Variants in BLOC1S3 observed in about 807,000 individuals in gnomAD.
The protein encoded by BLOC1S3 is biogenesis of lysosomal organelles complex 1 subunit 3, also known as biogenesis of lysosome-related organelles complex 1 subunit 3.
BLOC1S3 carries 7 observed loss-of-function variants against 9.1 expected under a neutral mutation model. The ratio of observed to expected loss-of-function variants is 0.77; its 90% CI spans 0.44 to 1.45. The LOEUF (loss-of-function observed/expected upper bound fraction) is 1.45. Among genes scored for constraint, BLOC1S3 ranks in the 40% most tolerant of loss-of-function variants. The pLI is 0.01. For synonymous variants in BLOC1S3, 145 were observed against 158.4 expected (o/e 0.92, Z 0.64); for missense variants, 307 against 315.2 (o/e 0.97, Z 0.20).
intron 3 of BLOC1S3, among the ~76,000 whole-genome samples, chr19:45,202,857 G>A (rs1969701442): frequency 6.6e-6 from 1 of 152,046 alleles, no homozygotes; most frequent in Non-Finnish European, 1.5e-5. Context: ...TCTTTAGTCA[G>A]CAAGTAATGA....
At chr19:45,200,128 A>G (rs1969679050) in intron 2 of BLOC1S3, among the ~76,000 whole-genome samples, 1 of 150,262 alleles carries the variant, frequency 6.7e-6, no homozygotes, top group Non-Finnish European at 1.5e-5. Context: ...GATCAATTCT[A>G]CTGTTCAGAG....
rs563576822 is a variant in BLOC1S3, at chr19:45,204,170, C to A, written n.282+1663C>A. 1.9e-3 allele frequency among the ~76,000 whole-genome samples: 285 copies of A among 146,312 alleles called. 1 individual carries two copies. Among genetic ancestry groups the A allele is most frequent in the African/African-American group, 6.8e-3 (265 of 39,108 alleles). ...TACAGGTGCTGGCTACCACACCCGGCTGATTTTTGTTTTGCCTTTTTTTTT... is the reference window on the plus strand; with the variant it reads ...TACAGGTGCTGGCTACCACACCCGGATGATTTTTGTTTTGCCTTTTTTTTT... On this transcript the variant is annotated intron_variant and non_coding_transcript_variant, in intron 3 of 3. Coordinates refer to the BLOC1S3 transcript ENST00000591569.
chr19:45,200,720 C>T (rs1296642870), intron 2 of BLOC1S3, among the ~76,000 whole-genome samples: 2 of 152,132 alleles, frequency 1.3e-5, no homozygotes, highest in African/African-American at 2.4e-5. Context: ...TGTGGATGTT[C>T]GTCAATGGCT....
Position 45,195,656 on chromosome 19 carries a change from A to C in BLOC1S3, n.181-6750A>C, listed in dbSNP as rs1452253155. 3.4e-4 allele frequency among the ~76,000 whole-genome samples: 49 copies of C among 142,716 alleles called. No homozygotes were observed. In the Admixed American group the frequency reaches 3.7e-3, roughly 11 times the overall value. The allele number at this position is 142,716 out of a possible 152,430, so 93.6% of individuals were successfully genotyped here. On this transcript the variant is annotated intron_variant and non_coding_transcript_variant, in intron 2 of 3. Transcript: ENST00000591569. ...GTTGGCCAGGCTGGAGTGCAATGGCATGACCTCAGTGCACTGCAATCTCCG... is the reference window on the plus strand; with the variant it reads ...GTTGGCCAGGCTGGAGTGCAATGGCCTGACCTCAGTGCACTGCAATCTCCG...
At position 45,179,131 on chromosome 19, in the gene BLOC1S3, C is replaced by T. The variant is rs1448024652; in HGVS notation, c.-9-157C>T. On this transcript the variant is annotated intron_variant, in intron 1 of 1. Transcript: ENST00000433642. The surrounding 1 kb of genome is among the most constrained non-coding windows in gnomAD (Gnocchi z 4.6). ...CCTGGGGTCCAGTAACCCCCATCAT[C>T]ACCCAGTTTACAGAAGAGGAAACTG... 5.3e-6 allele frequency: 4 copies of T among 758,404 alleles called. No individual in the cohort carries two copies. The highest frequency in any genetic ancestry group is 7.7e-6 in the Non-Finnish European group (4 of 518,952). 47.0% of individuals were successfully genotyped at this position (758,404 alleles called of 1,614,324 possible).
chr19:45,213,092 C>G, intron 3 of BLOC1S3: 1 of 1,520,738 alleles, frequency 6.6e-7, no homozygotes, highest in African/African-American at 1.4e-5. Context: ...CGAGGTCGCG[C>G]TAGAGACGGA....
upstream of BLOC1S3, among the ~76,000 whole-genome samples, chr19:45,186,810 C>G (rs1190733463): frequency 6.6e-6 from 1 of 152,316 alleles, no homozygotes; most frequent in East Asian, 1.9e-4. Context: ...ATGATCTGGT[C>G]CTGGGTCCAT....
rs529880074 is a variant in BLOC1S3 at position 45,179,885 on chromosome 19, G to C, written c.589G>C (p.Asp197His). Residue 197 changes from aspartate to histidine, a missense_variant, in exon 2 of 2, where the codon GAC (aspartate) becomes CAC (histidine). Coordinates refer to ENST00000433642, the MANE Select transcript of BLOC1S3 (RefSeq NM_212550.5). The surrounding 1 kb of genome is among the most constrained non-coding windows in gnomAD (Gnocchi z 4.6). ...RGVPGTEPEK[D>H]PGPRA ...CGTGCCAGGGACCGAGCCTGAGAAA[G>C]ACCCGGGGCCGCGGGCCTAGCCATG... The C allele has an allele frequency of 9.3e-6, 15 of 1,608,700 alleles. No homozygotes were observed. The Admixed American group carries it at 2.3e-4, about 25-fold the overall frequency.
chr19:45,205,765 A>G (rs1428046641), intron 3 of BLOC1S3, among the ~76,000 whole-genome samples: 1 of 152,224 alleles, frequency 6.6e-6, no homozygotes, highest in Admixed American at 6.6e-5. Flanking sequence ...TAGTATCCAG[A>G]TATTTTAAGA....
Position 45,201,990 on chromosome 19 carries a change from G to T in BLOC1S3, n.181-416G>T, listed in dbSNP as rs549017428. Among the ~76,000 whole-genome samples the T allele has an allele frequency of 5.9e-5, 9 of 152,068 alleles. No individual in the cohort carries two copies. The East Asian group carries it at 1.4e-3, about 23-fold the overall frequency. On this transcript the variant is annotated intron_variant and non_coding_transcript_variant, in intron 2 of 3. Transcript: ENST00000591569. ...TGTAATCCCAGCACTTTGGGAGGCC[G>T]AGGCGGGTGGATCATGAGGTCAGGA...
intron 2 of BLOC1S3, among the ~76,000 whole-genome samples, chr19:45,188,170 A>G (rs77310255): frequency 0.13 from 19,124 of 151,800 alleles, 1,497 homozygotes; most frequent in East Asian, 0.29. Context: ...TTACAAGTGT[A>G]TGCCACTATG....
chr19:45,210,078 C>A (rs1167262174), intron 3 of BLOC1S3, among the ~76,000 whole-genome samples: 1 of 143,944 alleles, frequency 6.9e-6, no homozygotes, highest in Non-Finnish European at 1.5e-5. Flanking sequence ...AAATTATGCA[C>A]ATGAAAAACA....
intron 3 of BLOC1S3, among the ~76,000 whole-genome samples, chr19:45,214,458 G>GTTTT (rs1213554618): frequency 1.3e-5 from 2 of 150,426 alleles, no homozygotes; most frequent in African/African-American, 5.0e-5. Context: ...TTTTTTGTGT[G>GTTTT]TTTGTTTGTT....
At chr19:45,190,768 G>A (rs1969598278) in intron 2 of BLOC1S3, among the ~76,000 whole-genome samples, 1 of 69,230 alleles carries the variant, frequency 1.4e-5, no homozygotes. Context: ...ATTGGTCACT[G>A]ATGCTTTTAT....
In BLOC1S3 at chr19:45,206,450, GTTTTTTT is replaced by G. The variant is rs1054281226; in HGVS notation, n.282+3960_282+3966del. ...TTCCACCTTCTTTTGGATTAATCAA[GTTTTTTT>G]TTTTTTTTTTTTTTTTGAGCAAGGA... On this transcript the variant is annotated intron_variant and non_coding_transcript_variant, in intron 3 of 3. Transcript: ENST00000591569. 2.5e-4 allele frequency among the ~76,000 whole-genome samples: 14 copies of G among 55,150 alleles called. 1 individual carries two copies. In the East Asian group the frequency reaches 2.6e-3, roughly 10 times the overall value. The allele number at this position is 55,150 out of a possible 152,430, so 36.2% of individuals were successfully genotyped here. A position where few individuals can be genotyped will look rare whatever the true frequency, so the allele number is the denominator to read the frequency against.
chr19:45,179,704 C>G lies in BLOC1S3; in HGVS notation c.408C>G (p.Gly136=). ...TGAGCGGTGTCTACCGCCGTGCAGG[C>G]CGCGACGTGGCCGCCCTGGCTAGTA... ...AAVSGVYRRA[G]RDVAALASRL... is the part of the protein sequence containing the mutation. The change falls in exon 2 of 2, where the codon GGC becomes GGG. Residue 136 remains glycine (G), a synonymous_variant. Coordinates refer to ENST00000433642, the MANE Select transcript of BLOC1S3 (RefSeq NM_212550.5). This position sits in a 1 kb window ranked among gnomAD's most constrained non-coding sequence, Gnocchi z 4.6. 6.9e-7 allele frequency: 1 copy of G among 1,459,434 alleles called. No individual in the cohort carries two copies. The highest frequency in any genetic ancestry group is 9.0e-7 in the Non-Finnish European group (1 of 1,112,534). The allele number at this position is 1,459,434 out of a possible 1,614,324, so 90.4% of individuals were successfully genotyped here.
At chr19:45,211,693 C>T (rs957927454) in intron 3 of BLOC1S3, among the ~76,000 whole-genome samples, 25 of 151,748 alleles carry the variant, frequency 1.6e-4, no homozygotes, top group South Asian at 1.3e-3. Context: ...CCTTGGGCTC[C>T]GAGAGTCCCT....
intron 2 of BLOC1S3, among the ~76,000 whole-genome samples, chr19:45,194,054 T>C (rs1387371328): frequency 3.6e-5 from 5 of 138,934 alleles, no homozygotes; most frequent in South Asian, 2.5e-4. Flanking sequence ...CCGCCCTCCT[T>C]GGCCTCCCAA....
rs1278115093 is a variant in BLOC1S3 at position 45,179,349 on chromosome 19, T to G, written c.53T>G (p.Val18Gly). 2.5e-6 allele frequency: 4 copies of G among 1,586,738 alleles called. No individual in the cohort carries two copies. The highest frequency in any genetic ancestry group is 8.5e-7 in the Non-Finnish European group (1 of 1,174,856). ...RRPLRRPETV[V>G]PGEATETDSE... is the part of the protein sequence containing the mutation. ...CCCCTGCGGAGGCCGGAGACGGTGG[T>G]GCCGGGGGAGGCGACCGAGACGGAT... Residue 18 changes from valine (V) to glycine (G), a missense_variant, in exon 2 of 2, where the codon GTG becomes GGG. By Grantham distance (109) the Val-to-Gly change is moderately radical. Transcript: ENST00000433642. The surrounding 1 kb of genome is among the most constrained non-coding windows in gnomAD (Gnocchi z 4.6).
Sources: gnomAD v4.1 joint callset for allele counts (sites outside exome capture counted in the v4.1 genomes callset) on GRCh38, gnomAD v4.1.1 for gene constraint, Gnocchi (gnomAD v3.1) non-coding constraint, MANE v1.5 for transcripts, NCBI Gene and HGNC (gene_info 2026-07-23, HGNC 2026-07-21) for gene names.